The following RYR3 variants were observed in gnomAD, a reference collection of about 807,000 sequenced individuals.
The protein encoded by RYR3 is ryanodine receptor 3, also known as brain ryanodine receptor-calcium release channel.
RYR3 carries 207 observed loss-of-function variants against 584.3 expected under a neutral mutation model. That is an observed-to-expected ratio of 0.35 (90% confidence interval 0.32 to 0.40). RYR3 has a LOEUF of 0.40. Ranked by LOEUF, RYR3 falls within the 10% of genes least tolerant of loss-of-function variation. The pLI, the probability that RYR3 is intolerant of heterozygous loss-of-function variation, is 1.00. For synonymous variants in RYR3, 2,416 were observed against 2,248.5 expected (o/e 1.07, Z -2.11); for missense variants, 5,616 against 6,089.2 (o/e 0.92, Z 2.59).
chr15:33,450,337 A>G (rs1032255900), intron 1 of RYR3, among the ~76,000 whole-genome samples: 1 of 152,090 alleles, frequency 6.6e-6, no homozygotes, highest in Non-Finnish European at 1.5e-5. Context: ...TTGTGAGTTT[A>G]ATGGATTTCT....
At chr15:33,739,735 C>A in intron 50 of RYR3, 97 bp from the exon 51 acceptor site, 2 of 987,914 alleles carry the variant, frequency 2.0e-6, no homozygotes, top group South Asian at 1.8e-5. Flanking sequence ...GATAAATGCG[C>A]GTATTTTATT....
chr15:33,314,099 C>T (rs1967740627), intron 1 of RYR3, among the ~76,000 whole-genome samples: 1 of 152,204 alleles, frequency 6.6e-6, no homozygotes, highest in African/African-American at 2.4e-5. Context: ...GCTTTGGAAG[C>T]TTAAACACAT....
chr15:33,366,164 G>A (rs1320833363), intron 1 of RYR3, among the ~76,000 whole-genome samples: 3 of 98,584 alleles, frequency 3.0e-5, no homozygotes, highest in Non-Finnish European at 6.3e-5. Flanking sequence ...TGCAGCACCT[G>A]TTTGCTTCAC....
intron 69 of RYR3, among the ~76,000 whole-genome samples, chr15:33,802,279 T>C (rs2075959029): frequency 6.6e-6 from 1 of 152,220 alleles, no homozygotes; most frequent in Admixed American, 6.5e-5. Context: ...TCCTGTGTAG[T>C]GAGGATACAG....
intron 1 of RYR3, among the ~76,000 whole-genome samples, chr15:33,418,071 C>T (rs1344368655): frequency 6.6e-6 from 1 of 152,130 alleles, no homozygotes; most frequent in Non-Finnish European, 1.5e-5. Flanking sequence ...ATTCAGTTTG[C>T]TAGTATTTTG....
At chr15:33,725,200 CACATAT>C (rs1385881945) in intron 45 of RYR3, among the ~76,000 whole-genome samples, 22 of 122,440 alleles carry the variant, frequency 1.8e-4, no homozygotes, top group African/African-American at 6.6e-4. Context: ...CACACACACA[CACATAT>C]ATACATCCCT....
chr15:33,763,205 T>C (rs2072663595), intron 60 of RYR3, among the ~76,000 whole-genome samples: 1 of 152,142 alleles, frequency 6.6e-6, no homozygotes, highest in African/African-American at 2.4e-5. Context: ...GACATAGGCA[T>C]GGGCAAAGAC....
chr15:33,706,893 G>T (rs776593023), intron 42 of RYR3, 26 bp from the exon 43 acceptor site: 2 of 1,574,832 alleles, frequency 1.3e-6, no homozygotes, highest in East Asian at 2.3e-5. Context: ...GCGTGCGAAA[G>T]AACACTTTTG....
At chr15:33,543,590 A>G (rs368607837) in intron 7 of RYR3, 32 bp from the exon 8 acceptor site, 46 of 1,348,058 alleles carry the variant, frequency 3.4e-5, no homozygotes, top group Non-Finnish European at 4.5e-5. Flanking sequence ...TAAACTTCCC[A>G]TCATTCACAG....
intron 67 of RYR3, among the ~76,000 whole-genome samples, chr15:33,789,955 A>G (rs765597601): frequency 6.2e-4 from 83 of 134,782 alleles, no homozygotes; most frequent in Non-Finnish European, 1.2e-3. Flanking sequence ...GGGATTACAG[A>G]TTACAGGCGT....
intron 1 of RYR3, among the ~76,000 whole-genome samples, chr15:33,348,582 TCTC>T (rs917203153): frequency 1.5e-4 from 23 of 152,104 alleles, no homozygotes; most frequent in African/African-American, 5.6e-4. Flanking sequence ...TTCAAGCTAT[TCTC>T]CTGCCTCAGC....
chr15:33,328,340 A>G (rs1299044755), intron 1 of RYR3, among the ~76,000 whole-genome samples: 1 of 152,000 alleles, frequency 6.6e-6, no homozygotes, highest in Non-Finnish European at 1.5e-5. Flanking sequence ...GTTCCTTTTC[A>G]AGCTTCCTAT....
At chr15:33,339,244 A>G (rs1262073447) in intron 1 of RYR3, among the ~76,000 whole-genome samples, 1 of 152,240 alleles carries the variant, frequency 6.6e-6, no homozygotes, top group Non-Finnish European at 1.5e-5. Flanking sequence ...CTGAGGTGGC[A>G]GGGCTGTGGC....
chr15:33,644,292 C>G lies in RYR3; in HGVS notation c.3557-19C>G, dbSNP rs375764076. 1 of 1,594,608 alleles carries G rather than the reference C, an allele frequency of 6.3e-7. No individual in the cohort carries two copies. Among genetic ancestry groups the G allele is most frequent in the Non-Finnish European group, 8.6e-7 (1 of 1,169,340 alleles). On this transcript the variant is annotated intron_variant, in intron 27 of 103. Transcript: ENST00000634891. Reference sequence around the variant, plus strand: ...ATGGTGCCTTCGGGCTAAAGCAGGTCTCTCTAACTCTTCTGCAGGCTTCGT... The same window carrying G: ...ATGGTGCCTTCGGGCTAAAGCAGGTGTCTCTAACTCTTCTGCAGGCTTCGT...
At chr15:33,641,455 C>T (rs1177927219) in intron 27 of RYR3, among the ~76,000 whole-genome samples, 1 of 152,128 alleles carries the variant, frequency 6.6e-6, no homozygotes, top group Non-Finnish European at 1.5e-5. Context: ...ATCTGTCTTT[C>T]ATGAAGAGTT....
intron 101 of RYR3, 32 bp downstream of exon 101, chr15:33,860,691 T>TGGAGGTA: frequency 7.0e-7 from 1 of 1,418,848 alleles, no homozygotes; most frequent in Non-Finnish European, 9.8e-7. Flanking sequence ...ATCCCAGCTC[T>TGGAGGTA]ATTTTAATAT....
At position 33,848,301 on chromosome 15, in the gene RYR3, T is replaced by A; in HGVS notation, c.13508T>A (p.Val4503Glu). 6.2e-7 allele frequency: 1 copy of A among 1,613,636 alleles called. No individual in the cohort carries two copies. Among genetic ancestry groups the A allele is most frequent in the Non-Finnish European group, 8.5e-7 (1 of 1,179,886 alleles). Reference sequence around the variant, plus strand: ...TCCTCCCACTCCTAGGTGCCTTTGGTGGTTTTCAAAAGGGAAAAAGAAATC... The same window carrying A: ...TCCTCCCACTCCTAGGTGCCTTTGGAGGTTTTCAAAAGGGAAAAAGAAATC... ...VGYYCLKVPLVVFKREKEIAR... is the reference protein window; with the variant it reads ...VGYYCLKVPLEVFKREKEIAR... The change falls in exon 94 of 104, where the codon GTG becomes GAG. Residue 4503 changes from valine (V) to glutamate (E), a missense_variant. Coordinates refer to ENST00000634891, the MANE Select transcript of RYR3 (RefSeq NM_001036.6).
intron 1 of RYR3, among the ~76,000 whole-genome samples, chr15:33,446,738 C>A (rs1316432436): frequency 6.6e-6 from 1 of 152,184 alleles, no homozygotes; most frequent in African/African-American, 2.4e-5. Flanking sequence ...TTTGGAGAAG[C>A]ACAGTTCAGC....
intron 1 of RYR3, among the ~76,000 whole-genome samples, chr15:33,470,611 T>TG (rs1326729764): frequency 6.6e-6 from 1 of 152,050 alleles, no homozygotes; most frequent in Non-Finnish European, 1.5e-5. Flanking sequence ...TCTGTAAAGG[T>TG]GGATAGTCCA....
Sources: allele counts gnomAD v4.1 joint callset (sites outside exome capture counted in the v4.1 genomes callset), GRCh38; gene constraint gnomAD v4.1.1; transcripts MANE v1.5; gene names NCBI Gene and HGNC (gene_info 2026-07-23, HGNC 2026-07-21).